Variants in ADGRL3 observed in about 807,000 individuals in gnomAD.
ADGRL3 encodes the protein calcium-independent alpha-latrotoxin receptor 3.
Under a neutral mutation model 153.5 loss-of-function variants are expected in ADGRL3, and 62 were observed. That is an observed-to-expected ratio of 0.40 (90% CI 0.33 to 0.50). The LOEUF (loss-of-function observed/expected upper bound fraction) is 0.50, where lower values mean the gene tolerates loss of function less well. Among genes scored for constraint, ADGRL3 ranks in the 20% least tolerant of loss-of-function variants. The pLI is 0.47. For missense variants in ADGRL3, 1,641 were observed against 1,859.4 expected, an observed-to-expected ratio of 0.88 and a Z score of 2.16; for synonymous variants, 710 against 672.5, an observed-to-expected ratio of 1.06 and a Z score of -0.86.
intron 3 of ADGRL3, among the ~76,000 whole-genome samples, chr4:61,512,436 A>G (rs2152878324): frequency 6.6e-6 from 1 of 152,222 alleles, no homozygotes; most frequent in Non-Finnish European, 1.5e-5. Context: ...CTTCGTCCAT[A>G]GGCATTTTTA....
At chr4:61,506,476 C>T (rs2098430019) in intron 3 of ADGRL3, among the ~76,000 whole-genome samples, 2 of 152,158 alleles carry the variant, frequency 1.3e-5, no homozygotes, top group East Asian at 1.9e-4. Flanking sequence ...ATTTAGGACT[C>T]GCCCACTGGA....
intron 8 of ADGRL3, among the ~76,000 whole-genome samples, chr4:61,795,362 G>C (rs530202532): frequency 1.3e-5 from 2 of 152,048 alleles, no homozygotes; most frequent in Admixed American, 6.6e-5. Context: ...TCCTAGCCTC[G>C]AGTGATCCTC....
intron 2 of ADGRL3, among the ~76,000 whole-genome samples, chr4:61,387,111 G>T (rs922584722): frequency 6.6e-6 from 1 of 152,126 alleles, no homozygotes; most frequent in South Asian, 2.1e-4. Flanking sequence ...CTGGGCATCT[G>T]GGGGAGACAT....
intron 25 of ADGRL3, among the ~76,000 whole-genome samples, chr4:62,055,025 TAAACAG>T (rs1736268389): frequency 2.6e-5 from 4 of 151,780 alleles, no homozygotes; most frequent in Non-Finnish European, 5.9e-5. Context: ...GTGAATTGTA[TAAACAG>T]GTTTGACAGC....
intron 2 of ADGRL3, among the ~76,000 whole-genome samples, chr4:61,393,397 G>A (rs1207796433): frequency 6.6e-6 from 1 of 151,926 alleles, no homozygotes; most frequent in Non-Finnish European, 1.5e-5. Flanking sequence ...TTTTTGTAAT[G>A]TTTTTCAAAA....
intron 2 of ADGRL3, among the ~76,000 whole-genome samples, chr4:61,480,915 C>A (rs1164106852): frequency 6.6e-6 from 1 of 152,102 alleles, no homozygotes; most frequent in Non-Finnish European, 1.5e-5. Flanking sequence ...CAGGGAAATG[C>A]AGATAAAATC....
Position 62,070,425 on chromosome 4 carries a change from G to A in ADGRL3, c.4149G>A (p.Ser1383=), listed in dbSNP as rs375355903. The A allele has an allele frequency of 1.4e-4, 213 of 1,551,796 alleles. 1 individual carries two copies. The highest frequency in any genetic ancestry group is 2.7e-4 in the Admixed American group (14 of 50,910). The change falls in exon 27 of 27, where the codon TCG becomes TCA. Residue 1383 remains serine, a synonymous_variant. Transcript: ENST00000683033. ...DDAIVLDDAT[S]FNHEESLGLE... is the part of the protein sequence containing the mutation. ...CCATTGTCCTGGATGATGCCACCTC[G>A]TTTAACCACGAGGAGAGTTTGGGCC...
intron 1 of ADGRL3, among the ~76,000 whole-genome samples, chr4:61,218,400 T>G (rs1266287717): frequency 6.6e-6 from 1 of 152,074 alleles, no homozygotes; most frequent in East Asian, 1.9e-4. Flanking sequence ...AGCCTCGACC[T>G]CCTAACAGAA....
At chr4:61,205,107 A>G (rs549984335) in intron 1 of ADGRL3, among the ~76,000 whole-genome samples, 57 of 152,314 alleles carry the variant, frequency 3.7e-4, no homozygotes, top group Non-Finnish European at 6.6e-4. Flanking sequence ...TTTGTGAGCT[A>G]TAGCCAAGGA....
intron 1 of ADGRL3, among the ~76,000 whole-genome samples, chr4:61,249,012 A>G (rs558011124): frequency 7.9e-5 from 12 of 152,228 alleles, no homozygotes; most frequent in African/African-American, 2.2e-4. Context: ...TTTTCTTGCT[A>G]AGCTTGCTTC....
chr4:61,624,031 C>G (rs1005163564), intron 5 of ADGRL3, among the ~76,000 whole-genome samples: 9 of 152,064 alleles, frequency 5.9e-5, no homozygotes, highest in Non-Finnish European at 1.3e-4. Context: ...AAGAGTGATG[C>G]TAGAGATTCG....
chr4:61,404,444 T>C (rs2096967907), intron 2 of ADGRL3, among the ~76,000 whole-genome samples: 1 of 152,022 alleles, frequency 6.6e-6, no homozygotes, highest in Non-Finnish European at 1.5e-5. Context: ...GACTTTTTGC[T>C]GTACAAAAAT....
intron 2 of ADGRL3, among the ~76,000 whole-genome samples, chr4:61,422,306 T>G (rs771963806): frequency 1.3e-5 from 2 of 152,204 alleles, no homozygotes; most frequent in Non-Finnish European, 2.9e-5. Context: ...CTACAATATC[T>G]TCCTTAAAAC....
chr4:61,388,498 C>G (rs2096766499), intron 2 of ADGRL3, among the ~76,000 whole-genome samples: 1 of 152,206 alleles, frequency 6.6e-6, no homozygotes, highest in Non-Finnish European at 1.5e-5. Context: ...TGGCTCCATT[C>G]TTACAGTTCT....
At chr4:61,295,876 A>C (rs943676055) in intron 1 of ADGRL3, among the ~76,000 whole-genome samples, 1 of 151,982 alleles carries the variant, frequency 6.6e-6, no homozygotes, top group Non-Finnish European at 1.5e-5. Context: ...GGGAGGCTGA[A>C]GCAGGAAGAT....
chr4:61,940,154 C>T (rs2098879217), intron 15 of ADGRL3, among the ~76,000 whole-genome samples: 1 of 102,042 alleles, frequency 9.8e-6, no homozygotes, highest in Non-Finnish European at 2.0e-5. Flanking sequence ...TTGTTCAATT[C>T]CCACCTATGA....
chr4:61,473,209 TTGTGTGTG>T (rs35633555), intron 2 of ADGRL3, among the ~76,000 whole-genome samples: 4,314 of 149,178 alleles, frequency 0.029, 72 homozygotes, highest in East Asian at 0.052. Flanking sequence ...TTGTATGTGT[TTGTGTGTG>T]TGTGTGTGTG....
intron 3 of ADGRL3, among the ~76,000 whole-genome samples, chr4:61,499,456 T>C (rs1451597859): frequency 6.6e-6 from 1 of 152,240 alleles, no homozygotes. Flanking sequence ...GACAATGCTT[T>C]TCTAATTATC....
intron 1 of ADGRL3, among the ~76,000 whole-genome samples, chr4:61,259,512 T>C (rs1253574441): frequency 1.3e-5 from 2 of 152,042 alleles, no homozygotes; most frequent in Non-Finnish European, 2.9e-5. Flanking sequence ...TCAGTATTGG[T>C]CAGGCTTCTT....
Sources: gnomAD v4.1 joint callset for allele counts (sites outside exome capture counted in the v4.1 genomes callset) on GRCh38, gnomAD v4.1.1 for gene constraint, MANE v1.5 for transcripts, NCBI Gene and HGNC (gene_info 2026-07-23, HGNC 2026-07-21) for gene names.